Variants in WDR82 observed in about 807,000 individuals in gnomAD.
The protein encoded by WDR82 is WD repeat-containing protein 82.
In WDR82, 8 loss-of-function variants were observed where a neutral mutation model predicts 36.1. The ratio of observed to expected loss-of-function variants is 0.22; its 90% CI spans 0.13 to 0.40. The LOEUF (loss-of-function observed/expected upper bound fraction) is 0.40, where lower values mean the gene tolerates loss of function less well. WDR82 is among the 10% of genes least tolerant of loss of function. WDR82 has a pLI of 1.00. For synonymous variants in WDR82, 129 were observed against 137.8 expected (o/e 0.94, Z 0.45); for missense variants, 185 against 400.5 (o/e 0.46, Z 4.59).
intron 3 of WDR82, among the ~76,000 whole-genome samples, chr3:52,261,735 C>T (rs1700063421): frequency 6.6e-6 from 1 of 152,052 alleles, no homozygotes; most frequent in Non-Finnish European, 1.5e-5. Context: ...TGAAATACTA[C>T]TCCACACCCT....
At position 52,255,882 on chromosome 3, in the gene WDR82, TCC is replaced by T. The variant is rs1700001200; in HGVS notation, c.*1606_*1607del. ...GGGCCTGACCAGAGTCCTTTCCTCT[TCC>T]AAGAGAAAGCAAGGAAAAGCAGCAA... On this transcript the variant is annotated 3_prime_UTR_variant, in exon 9 of 9. Coordinates refer to ENST00000296490, the MANE Select transcript of WDR82 (RefSeq NM_025222.4). The T allele has an allele frequency of 6.6e-6, 1 of 152,212 alleles. No homozygotes were observed. Among genetic ancestry groups the T allele is most frequent in the African/African-American group, 2.4e-5 (1 of 41,414 alleles). 9.4% of individuals were successfully genotyped at this position (152,212 alleles called of 1,614,324 possible). A position where few individuals can be genotyped will look rare whatever the true frequency, so the allele number is the denominator to read the frequency against.
At chr3:52,277,990 T>C (rs1274005951) in intron 1 of WDR82, 4 of 394,860 alleles carry the variant, frequency 1.0e-5, no homozygotes, top group Non-Finnish European at 1.8e-5. Flanking sequence ...ACAAATAATA[T>C]TATAAAATTA....
At chr3:52,273,383 A>G (rs1700171269) in intron 1 of WDR82, among the ~76,000 whole-genome samples, 1 of 151,998 alleles carries the variant, frequency 6.6e-6, no homozygotes, top group Non-Finnish European at 1.5e-5. Context: ...TTGAGCCAAG[A>G]TCGCGCCATT....
At chr3:52,275,939 C>A (rs1257956370) in intron 1 of WDR82, among the ~76,000 whole-genome samples, 1 of 152,136 alleles carries the variant, frequency 6.6e-6, no homozygotes, top group Non-Finnish European at 1.5e-5. Flanking sequence ...CTTGATACCT[C>A]CAACTCTAAA....
At chr3:52,269,176 T>G (rs1011329809) in intron 2 of WDR82, among the ~76,000 whole-genome samples, 1 of 152,068 alleles carries the variant, frequency 6.6e-6, no homozygotes, top group Non-Finnish European at 1.5e-5. Context: ...CTGAAATAAG[T>G]TTAAAAACAG....
chr3:52,276,346 G>A (rs1175342750), intron 1 of WDR82, among the ~76,000 whole-genome samples: 2 of 151,608 alleles, frequency 1.3e-5, no homozygotes, highest in African/African-American at 4.8e-5. Context: ...CAGGAGAATC[G>A]CTTGAACCCG....
chr3:52,259,964 A>C, intron 5 of WDR82, 92 bp from the exon 6 acceptor site: 1 of 1,435,432 alleles, frequency 7.0e-7, no homozygotes, highest in Non-Finnish European at 9.3e-7. Context: ...TTACTTTTTG[A>C]CTAAGGAAAG....
In WDR82 at chr3:52,267,202, A is replaced by T. The variant is rs1046795884; in HGVS notation, c.260-184T>A. On this transcript the variant is annotated intron_variant, in intron 2 of 8. Transcript: ENST00000296490. ...AGAGTGGGTATGTAGATTTCACCTAACTCAAAAGCAGAGTTCTTAAGTTGA... is the reference window on the plus strand; with the variant it reads ...AGAGTGGGTATGTAGATTTCACCTATCTCAAAAGCAGAGTTCTTAAGTTGA... 5 of 430,410 alleles carry T rather than the reference A, an allele frequency of 1.2e-5. No individual in the cohort carries two copies. The Admixed American group carries it at 1.3e-4, about 11-fold the overall frequency. 26.7% of individuals were successfully genotyped at this position (430,410 alleles called of 1,614,324 possible).
chr3:52,263,774 C>T (rs1239971888), intron 3 of WDR82, among the ~76,000 whole-genome samples: 1 of 152,174 alleles, frequency 6.6e-6, no homozygotes, highest in African/African-American at 2.4e-5. Context: ...CAGAGAGAAG[C>T]TGGCCCAAAA....
At chr3:52,261,512 C>T (rs1275845460) in intron 3 of WDR82, 33 bp from the exon 4 acceptor site, 28 of 1,584,870 alleles carry the variant, frequency 1.8e-5, no homozygotes, top group East Asian at 2.3e-5. Context: ...GGAGTTGATG[C>T]GAAATATTAG....
At chr3:52,261,040 G>A (rs1434165965) in intron 4 of WDR82, among the ~76,000 whole-genome samples, 10 of 152,122 alleles carry the variant, frequency 6.6e-5, no homozygotes, top group African/African-American at 2.2e-4. Flanking sequence ...CAGAAGAATC[G>A]CTTGAACCCT....
chr3:52,258,414 A>T, intron 8 of WDR82, 122 bp downstream of exon 8: 2 of 1,160,010 alleles, frequency 1.7e-6, no homozygotes, highest in Non-Finnish European at 2.5e-6. Context: ...CAGTTGAGAA[A>T]CATGTACTTG....
At chr3:52,263,034 G>A (rs181607269) in intron 3 of WDR82, among the ~76,000 whole-genome samples, 376 of 151,754 alleles carry the variant, frequency 2.5e-3, no homozygotes, top group Non-Finnish European at 4.5e-3. Flanking sequence ...AGGCTGAGGC[G>A]GAAGAATCGC....
chr3:52,276,725 C>G (rs778944729), intron 1 of WDR82, among the ~76,000 whole-genome samples: 4 of 152,146 alleles, frequency 2.6e-5, no homozygotes, highest in African/African-American at 9.7e-5. Context: ...TAAACTGATT[C>G]AAGTGACCAG....
In WDR82 at chr3:52,256,836, C is replaced by T. The variant is rs569517974; in HGVS notation, c.*654G>A. ...CTTGGGTCTTTTTCCCACCCAACAC[C>T]TACAGCCCGAGGCCTGCCCAACCAC... On this transcript the variant is annotated 3_prime_UTR_variant, in exon 9 of 9. Coordinates refer to ENST00000296490, the MANE Select transcript of WDR82 (RefSeq NM_025222.4). 1 of 152,956 alleles carries T rather than the reference C, an allele frequency of 6.5e-6. No individual in the cohort carries two copies. The highest frequency in any genetic ancestry group is 2.1e-4 in the South Asian group (1 of 4,820). 9.5% of individuals were successfully genotyped at this position (152,956 alleles called of 1,614,324 possible).
intron 8 of WDR82, 91 bp downstream of exon 8, chr3:52,258,445 G>A: frequency 6.9e-7 from 1 of 1,455,990 alleles, no homozygotes; most frequent in Non-Finnish European, 9.6e-7. Context: ...ATGTACCTAT[G>A]TAGAACACAG....
Position 52,259,238 on chromosome 3 carries a change from A to C in WDR82, c.728T>G (p.Leu243Arg). The change falls in exon 7 of 9, where the codon CTG (leucine) becomes CGG (arginine). Residue 243 changes from leucine to arginine, a missense_variant. Physicochemically the swap from Leu to Arg is moderately radical, Grantham distance 102. Transcript: ENST00000296490. ...AGAGTCTGGAGTAAATGAAGCCTCC[A>C]GTGTGACAGCTTTGCTGTTGGCATA... ...GGYANSKAVT[L>R]EASFTPDSQF... 1.9e-6 allele frequency: 3 copies of C among 1,614,256 alleles called. No homozygotes were observed. Among genetic ancestry groups the C allele is most frequent in the Non-Finnish European group, 2.5e-6 (3 of 1,180,040 alleles).
Position 52,257,453 on chromosome 3 carries a change from G to A in WDR82, c.*37C>T, listed in dbSNP as rs762764139. 8 of 1,613,918 alleles carry A rather than the reference G, an allele frequency of 5.0e-6. No individual in the cohort carries two copies. The highest frequency in any genetic ancestry group is 1.1e-5 in the South Asian group (1 of 91,056). ...CCCTCTGAGTTTCTTCCTGCTGGCC[G>A]CCCTCACTATACAGAAATAGCCAAG... On this transcript the variant is annotated 3_prime_UTR_variant, in exon 9 of 9. Transcript: ENST00000296490.
intron 1 of WDR82, among the ~76,000 whole-genome samples, chr3:52,275,121 T>C (rs1348225170): frequency 6.6e-6 from 1 of 151,906 alleles, no homozygotes; most frequent in African/African-American, 2.4e-5. Context: ...CTCAGGAGGC[T>C]GAGGCAGGAG....
Sources: gnomAD v4.1 joint callset for allele counts (sites outside exome capture counted in the v4.1 genomes callset) on GRCh38, gnomAD v4.1.1 for gene constraint, MANE v1.5 for transcripts, NCBI Gene and HGNC (gene_info 2026-07-23, HGNC 2026-07-21) for gene names.